Variants in PIK3C2G observed in about 807,000 individuals in gnomAD.
The protein encoded by PIK3C2G is phosphatidylinositol 3-kinase C2 domain-containing subunit gamma.
In PIK3C2G, 168 loss-of-function variants were observed where a neutral mutation model predicts 181.1. The observed-to-expected ratio is 0.93, with a 90% CI of 0.82 to 1.05. PIK3C2G has a LOEUF of 1.05. Ranked by LOEUF, PIK3C2G falls within the 50% of genes least tolerant of loss-of-function variation. PIK3C2G has a pLI of 0.00. For missense variants in PIK3C2G, 1,869 were observed against 1,732.8 expected, an observed-to-expected ratio of 1.08 and a Z score of -1.40; for synonymous variants, 573 against 592.2, an observed-to-expected ratio of 0.97 and a Z score of 0.47.
Position 18,515,373 on chromosome 12 carries a change from G to A in PIK3C2G, c.3323+9912G>A, listed in dbSNP as rs557611267. ...CTCTGGGCTTTTCTTTGATGAAAGA[G>A]TCTTTATTACTACTTCTGTCTTGTT... is the stretch of plus-strand genomic sequence containing the variant. On this transcript the variant is annotated intron_variant, in intron 24 of 32. Coordinates refer to ENST00000538779, the MANE Select transcript of PIK3C2G (RefSeq NM_001288772.2). 9.2e-5 allele frequency among the ~76,000 whole-genome samples: 14 copies of A among 151,688 alleles called. No individual in the cohort carries two copies. In the East Asian group the frequency reaches 2.7e-3, roughly 29 times the overall value.
chr12:18,638,869 G>T (rs1025303186), intron 31 of PIK3C2G, among the ~76,000 whole-genome samples: 1 of 149,246 alleles, frequency 6.7e-6, no homozygotes, highest in Non-Finnish European at 1.5e-5. Context: ...GGGATTATAG[G>T]CAGGATATCC....
chr12:18,250,639 C>T (rs1016219175), intron 1 of PIK3C2G, among the ~76,000 whole-genome samples: 24 of 152,000 alleles, frequency 1.6e-4, no homozygotes, highest in Middle Eastern at 3.2e-3. Flanking sequence ...CTGCCCTTTC[C>T]TTGCTAACAT....
the PIK3C2G span, among the ~76,000 whole-genome samples, chr12:18,667,631 T>C: frequency 6.6e-6 from 1 of 152,190 alleles, no homozygotes; most frequent in African/African-American, 2.4e-5. Context: ...GGAAAGGAGT[T>C]AGCGTTTATT....
intron 30 of PIK3C2G, among the ~76,000 whole-genome samples, chr12:18,605,795 T>C (rs1401531073): frequency 6.6e-6 from 1 of 152,108 alleles, no homozygotes; most frequent in Non-Finnish European, 1.5e-5. Flanking sequence ...CCTGTTTTTC[T>C]TATGTTGTAG....
At chr12:18,243,825 G>C (rs1274605462), upstream of PIK3C2G, among the ~76,000 whole-genome samples, 1 of 151,710 alleles carries the variant, frequency 6.6e-6, no homozygotes, top group Non-Finnish European at 1.5e-5. Context: ...TAGGTTTCTA[G>C]AAAATACAAC....
intron 26 of PIK3C2G, among the ~76,000 whole-genome samples, chr12:18,549,175 C>T (rs529064349): frequency 8.5e-5 from 13 of 152,056 alleles, no homozygotes; most frequent in African/African-American, 2.4e-4. Flanking sequence ...TCGAACATGC[C>T]GTCTTTTGTG....
intron 20 of PIK3C2G, among the ~76,000 whole-genome samples, chr12:18,495,195 T>C (rs1308169873): frequency 2.0e-5 from 3 of 152,120 alleles, no homozygotes; most frequent in Non-Finnish European, 4.4e-5. Flanking sequence ...ATTGAAAGCA[T>C]AGAGTCTTTT....
chr12:18,246,655 G>GA (rs1448935864), upstream of PIK3C2G, among the ~76,000 whole-genome samples: 4 of 152,084 alleles, frequency 2.6e-5, no homozygotes, highest in Non-Finnish European at 5.9e-5. Flanking sequence ...TTGTGAGGAT[G>GA]AAATGATAAA....
chr12:18,386,145 C>G (rs959584089), intron 14 of PIK3C2G, among the ~76,000 whole-genome samples: 2 of 152,176 alleles, frequency 1.3e-5, no homozygotes, highest in Admixed American at 6.5e-5. Flanking sequence ...CCACTGCTCT[C>G]TGATCATCCT....
intron 3 of PIK3C2G, 40 bp downstream of exon 3, chr12:18,286,969 C>A: frequency 9.2e-7 from 1 of 1,086,030 alleles, no homozygotes. Context: ...AATTTTTGTG[C>A]CTGAATAAAT....
chr12:18,294,141 C>A (rs562681638), intron 5 of PIK3C2G, 126 bp downstream of exon 5: 1 of 561,348 alleles, frequency 1.8e-6, no homozygotes, highest in African/African-American at 1.9e-5. Flanking sequence ...ATCAATTTTA[C>A]CCCCTTTGCA....
chr12:18,601,177 T>C (rs1947688464), intron 30 of PIK3C2G, among the ~76,000 whole-genome samples: 1 of 151,946 alleles, frequency 6.6e-6, no homozygotes, highest in Non-Finnish European at 1.5e-5. Flanking sequence ...CATATTATCA[T>C]ATTGATAGAT....
chr12:18,288,594 C>T (rs1186452312), intron 3 of PIK3C2G, among the ~76,000 whole-genome samples: 2 of 152,138 alleles, frequency 1.3e-5, no homozygotes, highest in East Asian at 1.9e-4. Context: ...TCTTTAATGT[C>T]ATCAACATTT....
chr12:18,599,723 C>T lies in PIK3C2G; in HGVS notation c.4087+5154C>T, dbSNP rs116493449. 7.8e-3 allele frequency among the ~76,000 whole-genome samples: 1,168 copies of T among 150,200 alleles called. 10 individuals carry two copies. The highest frequency in any genetic ancestry group is 0.027 in the African/African-American group (1,113 of 41,048). On this transcript the variant is annotated intron_variant, in intron 30 of 32. Coordinates refer to ENST00000538779, the MANE Select transcript of PIK3C2G (RefSeq NM_001288772.2). ...AAAAATAAAGAAAACACACCTAAAA[C>T]AAAGTGATTGTGAAAGGTTGAAAAT...
At chr12:18,626,747 T>C (rs180970353) in intron 31 of PIK3C2G, among the ~76,000 whole-genome samples, 1 of 152,172 alleles carries the variant, frequency 6.6e-6, no homozygotes, top group African/African-American at 2.4e-5. Context: ...CTCTCTCTCC[T>C]GGACTGAAGG....
At chr12:18,355,579 C>A (rs55705958) in intron 11 of PIK3C2G, among the ~76,000 whole-genome samples, 15,922 of 152,074 alleles carry the variant, frequency 0.1, 1,170 homozygotes, top group Admixed American at 0.25. Flanking sequence ...GGGTCCCTGG[C>A]CCCAAAGACT....
chr12:18,412,657 A>G (rs1335242456), intron 16 of PIK3C2G, among the ~76,000 whole-genome samples: 11 of 152,224 alleles, frequency 7.2e-5, no homozygotes, highest in Non-Finnish European at 1.5e-4. Flanking sequence ...ATTGATAAAT[A>G]TTTCTTAAAT....
At chr12:18,680,720 A>G in the PIK3C2G span, among the ~76,000 whole-genome samples, 19 of 152,090 alleles carry the variant, frequency 1.2e-4, no homozygotes, top group Non-Finnish European at 2.5e-4. Flanking sequence ...TGCTCACTAC[A>G]AAAGGAGACA....
chr12:18,625,217 G>A (rs528067068), intron 31 of PIK3C2G, among the ~76,000 whole-genome samples: 86 of 151,440 alleles, frequency 5.7e-4, no homozygotes, highest in Non-Finnish European at 1.1e-3. Flanking sequence ...GTTATGTTAT[G>A]TTTTCATTTT....
Sources: gnomAD v4.1 joint callset for allele counts (sites outside exome capture counted in the v4.1 genomes callset) on GRCh38, gnomAD v4.1.1 for gene constraint, MANE v1.5 for transcripts, NCBI Gene and HGNC (gene_info 2026-07-23, HGNC 2026-07-21) for gene names.